Variants in MADD observed in about 807,000 individuals in gnomAD.
The protein encoded by MADD is MAP kinase-activating death domain protein.
A neutral mutation model predicts 176.7 loss-of-function variants in MADD; 109 were observed. The ratio of observed to expected loss-of-function variants is 0.62; its 90% CI spans 0.53 to 0.72. MADD has a LOEUF of 0.72. Ranked by LOEUF, MADD falls within the 30% of genes least tolerant of loss-of-function variation. The pLI, the probability that MADD is intolerant of heterozygous loss-of-function variation, is 0.00. For missense variants in MADD, 1,914 were observed against 2,045.5 expected (o/e 0.94, Z 1.24); for synonymous variants, 771 against 771.3 (o/e 1.00, Z 0.01).
In MADD at chr11:47,286,514, C is replaced by T. The variant is rs143586888; in HGVS notation, c.2633C>T (p.Thr878Met). The T allele has an allele frequency of 5.0e-5, 81 of 1,613,442 alleles. No individual in the cohort carries two copies. Among genetic ancestry groups the T allele is most frequent in the Admixed American group, 1.8e-4 (11 of 59,998 alleles). Residue 878 changes from threonine to methionine, a missense_variant, in exon 15 of 33, where the codon ACG (threonine) becomes ATG (methionine). By Grantham distance (81) the Thr-to-Met change is moderately conservative. This residue lies in a region of MADD where 1,767 missense variants were observed against 1,836.0 expected (regional missense o/e 0.96). Coordinates refer to ENST00000402192, the Ensembl canonical transcript of MADD. ...ACCAAAGGTGCCCGAGAGAAGGCCA[C>T]GCCCTTCCCCAGTCTGAAAGGTAAC...
chr11:47,302,861 G>A (rs1452718710), intron 22 of MADD, among the ~76,000 whole-genome samples: 1 of 151,970 alleles, frequency 6.6e-6, no homozygotes, highest in East Asian at 1.9e-4. Context: ...ATGGTTTGGT[G>A]GTTTTCTGTA....
intron 22 of MADD, among the ~76,000 whole-genome samples, chr11:47,296,447 G>A (rs1406497429): frequency 1.3e-5 from 2 of 152,206 alleles, no homozygotes. Flanking sequence ...TTTGGTCACT[G>A]CTCTATTTAT....
In MADD at chr11:47,284,290, G is replaced by C. The variant is rs1308480270; in HGVS notation, c.1966+9G>C. On this transcript the variant is annotated intron_variant, in intron 11 of 32. Coordinates refer to ENST00000402192, the Ensembl canonical transcript of MADD. ...TAATGGTGATACTCCCAGTAAGTGT[G>C]CTTGGGGAGATTGGCCAGCCCTGGG... 1.9e-6 allele frequency: 3 copies of C among 1,613,370 alleles called. No homozygotes were observed. The highest frequency in any genetic ancestry group is 1.7e-5 in the Admixed American group (1 of 60,006).
chr11:47,300,850 C>G (rs1047296152), intron 22 of MADD, among the ~76,000 whole-genome samples: 1 of 152,124 alleles, frequency 6.6e-6, no homozygotes, highest in African/African-American at 2.4e-5. Flanking sequence ...TTGGACTATT[C>G]AGGTTTCTGT....
intron 31 of MADD, chr11:47,327,842 C>T: frequency 1.0e-6 from 1 of 985,450 alleles, no homozygotes; most frequent in South Asian, 4.7e-5. Flanking sequence ...TGCTCCCAGT[C>T]TCAAGGGGCC....
intron 28 of MADD, 161 bp downstream of exon 31, chr11:47,323,996 G>A (rs1233855466): frequency 2.7e-6 from 2 of 744,456 alleles, no homozygotes; most frequent in Non-Finnish European, 4.4e-6. Flanking sequence ...AAGCCAACTA[G>A]GCCTAATAGT....
intron 22 of MADD, among the ~76,000 whole-genome samples, chr11:47,307,816 A>T (rs1242380402): frequency 6.6e-6 from 1 of 152,026 alleles, no homozygotes; most frequent in Admixed American, 6.6e-5. Flanking sequence ...CTATAGGTGC[A>T]TGCCACCACA....
At position 47,295,511 on chromosome 11, in the gene MADD, T is replaced by G. The variant is rs769963605; in HGVS notation, c.3418T>G (p.Ser1140Ala). 7.4e-6 allele frequency: 12 copies of G among 1,614,102 alleles called. No individual in the cohort carries two copies. The South Asian group carries it at 1.3e-4, about 18-fold the overall frequency. ...CTTGTTTCAGAGGACTGATCAAGAC[T>G]CTGTCATCGGCGTGAGTCCAGCTGT... The change falls in exon 21 of 33, where the codon TCT becomes GCT. Residue 1140 changes from serine to alanine, a missense_variant. Ser to Ala is a moderately conservative substitution (Grantham distance 99, BLOSUM62 1). Transcript: ENST00000402192.
At chr11:47,276,804 C>T in exon 5 of MADD, 1 of 1,614,196 alleles carries the variant, frequency 6.2e-7, no homozygotes, top group South Asian at 1.1e-5. Context: ...GATCTACCCA[C>T]TGGAGTATAT....
At chr11:47,302,848 A>G (rs755784352) in intron 22 of MADD, among the ~76,000 whole-genome samples, 3 of 151,824 alleles carry the variant, frequency 2.0e-5, no homozygotes, top group Admixed American at 6.6e-5. Context: ...CTCATTTATC[A>G]TTATGGTTTG....
intron 22 of MADD, among the ~76,000 whole-genome samples, chr11:47,305,008 A>G (rs2081440668): frequency 6.6e-6 from 1 of 152,216 alleles, no homozygotes; most frequent in African/African-American, 2.4e-5. Flanking sequence ...CTTCAGCTGC[A>G]TTCAACATGA....
intron 14 of MADD, 103 bp downstream of exon 14, chr11:47,285,693 T>G: frequency 6.6e-7 from 1 of 1,525,996 alleles, no homozygotes; most frequent in East Asian, 2.3e-5. Flanking sequence ...TAGGGCTAGG[T>G]TGGCATTAGC....
intron 22 of MADD, among the ~76,000 whole-genome samples, chr11:47,304,459 A>G (rs2080889859): frequency 6.6e-6 from 1 of 152,056 alleles, no homozygotes; most frequent in Admixed American, 6.6e-5. Flanking sequence ...TTGAGCTCCC[A>G]ACCTCAGGCG....
rs142457717 is a variant in MADD, at chr11:47,284,431, G to A, written c.2023G>A (p.Glu675Lys). 233 of 1,613,990 alleles carry A rather than the reference G, an allele frequency of 1.4e-4. No homozygotes were observed. The highest frequency in any genetic ancestry group is 1.8e-4 in the Non-Finnish European group (211 of 1,180,022). ...GGATGCCAGCGAGGTGGAGATTGAC[G>A]AGCTGCAGAATCAGAAGGAAGCAGA... Residue 675 changes from glutamate to lysine, a missense_variant, in exon 12 of 33, where the codon GAG becomes AAG. This residue lies in a region of MADD where 1,767 missense variants were observed against 1,836.0 expected (regional missense o/e 0.96). Coordinates refer to ENST00000402192, the Ensembl canonical transcript of MADD.
At chr11:47,312,276 T>A (rs2090016534) in intron 26 of MADD, among the ~76,000 whole-genome samples, 1 of 152,198 alleles carries the variant, frequency 6.6e-6, no homozygotes, top group Non-Finnish European at 1.5e-5. Context: ...TGAGACTGAC[T>A]CTCACTCTGT....
chr11:47,329,530 C>G (rs1167707878), exon 33 of MADD: 1 of 191,116 alleles, frequency 5.2e-6, no homozygotes, highest in Admixed American at 5.3e-5. Context: ...CCCGGCATGA[C>G]TGGGCGCCTG....
chr11:47,301,006 T>A lies in MADD; in HGVS notation c.3642+4951T>A, dbSNP rs1565451143. Among the ~76,000 whole-genome samples, 7 of 151,960 alleles carry A rather than the reference T, an allele frequency of 4.6e-5. No homozygotes were observed. The East Asian group carries it at 7.7e-4, about 17-fold the overall frequency. On this transcript the variant is annotated intron_variant, in intron 22 of 32. Coordinates refer to ENST00000402192, the Ensembl canonical transcript of MADD. Reference sequence around the variant, plus strand: ...TTTTTTGTTTTTGGTGTTTTCTTGGTGGAGGTCTTTTCACTCTCTCTCTTT... The same window carrying A: ...TTTTTTGTTTTTGGTGTTTTCTTGGAGGAGGTCTTTTCACTCTCTCTCTTT...
intron 19 of MADD, among the ~76,000 whole-genome samples, chr11:47,293,298 GCTTTT>G (rs1447551960): frequency 6.6e-6 from 1 of 151,530 alleles, no homozygotes; most frequent in African/African-American, 2.4e-5. Context: ...TGTTCGTGGA[GCTTTT>G]CTTTTTTTTT....
intron 27 of MADD, among the ~76,000 whole-genome samples, chr11:47,321,630 T>C (rs552964104): frequency 6.6e-6 from 1 of 152,348 alleles, no homozygotes; most frequent in South Asian, 2.1e-4. Context: ...GCCTAGGAGC[T>C]GTGGACAACT....
Sources: gnomAD v4.1 joint callset for allele counts (sites outside exome capture counted in the v4.1 genomes callset) on GRCh38, gnomAD v4.1.1 for gene constraint, gnomAD v4.1.1 regional missense constraint, MANE v1.5 for transcripts, NCBI Gene and HGNC (gene_info 2026-07-23, HGNC 2026-07-21) for gene names.